PIGA: variants seen among roughly 807,000 people sequenced by gnomAD.
PIGA encodes phosphatidylinositol N-acetylglucosaminyltransferase subunit A.
In PIGA, 3 loss-of-function variants were observed where a neutral mutation model predicts 17.1. The ratio of observed to expected loss-of-function variants is 0.18; its 90% CI spans 0.08 to 0.45. PIGA has a LOEUF of 0.45. PIGA is among the 20% of genes least tolerant of loss of function. The pLI is 0.99. For missense variants in PIGA, 231 were observed against 374.1 expected (o/e 0.62, Z 3.16); for synonymous variants, 126 against 135.1 (o/e 0.93, Z 0.47).
chrX:15,335,536 C>A, upstream of PIGA: 1 of 966,977 alleles, frequency 1.0e-6, no homozygotes. Flanking sequence ...CCGGACCTCC[C>A]GCGGCTGCAG....
At chrX:15,325,194 A>T in intron 3 of PIGA, 42 bp from the exon 4 acceptor site, 1 of 1,114,040 alleles carries the variant, frequency 9.0e-7, no homozygotes, top group Middle Eastern at 2.5e-4. Flanking sequence ...GTGAAAACTC[A>T]TGCTACAAAA....
At position 15,331,651 on chromosome X, in the gene PIGA, G is replaced by C. The variant is rs758769627; in HGVS notation, c.280C>G (p.Leu94Val). 8.3e-7 allele frequency: 1 copy of C among 1,211,440 alleles called. No homozygotes were observed. The highest frequency in any genetic ancestry group is 1.8e-5 in the South Asian group (1 of 57,005). Residue 94 changes from leucine to valine, a missense_variant, in exon 2 of 6, where the codon CTG becomes GTG. This residue lies in a region of PIGA where 29 missense variants were observed against 36.6 expected (regional missense o/e 0.79). Coordinates refer to ENST00000333590, the MANE Select transcript of PIGA (RefSeq NM_002641.4). ...TSGLKVYYLPLKVMYNQSTAT... is the reference protein window; with the variant it reads ...TSGLKVYYLPVKVMYNQSTAT... ...GTAGACTGGTTGTACATGACTTTCA[G>C]AGGCAAGTAATAGACTTTGAGGCCA...
At chrX:15,329,512 C>G (rs1184866472) in intron 2 of PIGA, among the ~76,000 whole-genome samples, 1 of 111,616 alleles carries the variant, frequency 9.0e-6, no homozygotes, top group Non-Finnish European at 1.9e-5. Flanking sequence ...AAACCAGTGG[C>G]CCAGCACTCA....
chrX:15,322,971 T>C (rs1008018727), intron 5 of PIGA, among the ~76,000 whole-genome samples: 4 of 112,187 alleles, frequency 3.6e-5, no homozygotes, highest in Non-Finnish European at 5.6e-5. Flanking sequence ...AATCTACTTA[T>C]AGTTTTAAGT....
At chrX:15,323,814 G>A (rs549139022) in intron 5 of PIGA, among the ~76,000 whole-genome samples, 7 of 111,622 alleles carry the variant, frequency 6.3e-5, no homozygotes, top group African/African-American at 2.3e-4. Context: ...TGAATATCAC[G>A]TTGGTAGCAT....
chrX:15,325,979 A>G lies in PIGA; in HGVS notation c.783T>C (p.Ile261=). The change falls in exon 3 of 6, where the codon ATT becomes ATC. Residue 261 remains isoleucine, a synonymous_variant. Transcript: ENST00000333590. The stretch of plus-strand genomic sequence containing the variant: ...TGATTCTCTTTGGTCCCTCTCCTCC[A>G]ATTATGAAATTTAAATCTGGATATT... The part of the protein sequence containing the change: ...CQKYPDLNFI[I]GGEGPKRIIL... 3 of 1,183,610 alleles carry G rather than the reference A, an allele frequency of 2.5e-6. No homozygotes were observed. The highest frequency in any genetic ancestry group is 3.4e-6 in the Non-Finnish European group (3 of 871,816).
chrX:15,326,946 G>C (rs921437112), intron 2 of PIGA: 1 of 111,848 alleles, frequency 8.9e-6, no homozygotes, highest in South Asian at 3.7e-4. Context: ...ATTACAAAAC[G>C]TACATATTCA....
Position 15,321,325 on chromosome X carries a change from T to C in PIGA, c.*181A>G. On this transcript the variant is annotated 3_prime_UTR_variant, in exon 6 of 6. Transcript: ENST00000333590. ...ATTTTAAATAAGTGCAAGAAGTTTC[T>C]ACACTCAGGAATTGCATACATTTTT... is the stretch of plus-strand genomic sequence containing the variant. 1 of 416,737 alleles carries C rather than the reference T, an allele frequency of 2.4e-6. No individual in the cohort carries two copies. The highest frequency in any genetic ancestry group is 4.1e-6 in the Non-Finnish European group (1 of 241,629). 34.3% of individuals were successfully genotyped at this position (416,737 alleles called of 1,213,427 possible). A position where few individuals can be genotyped will look rare whatever the true frequency, so the allele number is the denominator to read the frequency against.
chrX:15,325,869 T>C, intron 3 of PIGA, 45 bp downstream of exon 3: 2 of 1,113,735 alleles, frequency 1.8e-6, no homozygotes, highest in South Asian at 4.3e-5. Context: ...CAAATAGAGA[T>C]AATTGACATC....
chrX:15,329,146 T>C (rs1195072278), intron 2 of PIGA, among the ~76,000 whole-genome samples: 2 of 112,498 alleles, frequency 1.8e-5, no homozygotes, highest in East Asian at 5.6e-4. Flanking sequence ...CCTAGCACAC[T>C]GGCACACCAC....
intron 2 of PIGA, among the ~76,000 whole-genome samples, chrX:15,330,187 A>G (rs1290870047): frequency 8.9e-6 from 1 of 112,033 alleles, no homozygotes; most frequent in Non-Finnish European, 1.9e-5. Context: ...GAGGTTCCCA[A>G]TGTTGCTTAC....
chrX:15,320,492 G>A lies in PIGA; in HGVS notation c.*1014C>T, dbSNP rs937414535. The A allele has an allele frequency of 8.9e-6, 1 of 112,177 alleles. No homozygotes were observed. The highest frequency in any genetic ancestry group is 1.9e-5 in the Non-Finnish European group (1 of 53,263). 9.2% of individuals were successfully genotyped at this position (112,177 alleles called of 1,213,427 possible). On this transcript the variant is annotated 3_prime_UTR_variant, in exon 6 of 6. Transcript: ENST00000333590. ...CTGACAATACTTATCAGACATCAGC[G>A]AGGCCACAGTGAAGGGGAGTGACTT... is the stretch of plus-strand genomic sequence containing the variant.
rs764210969 is a variant in PIGA at position 15,331,757 on chromosome X, C to T, written c.174G>A (p.Gln58=). The part of the protein sequence containing the change: ...GVESHIYQLS[Q]CLIERGHKVI... Reference sequence around the variant, plus strand: ...CCTTATGCCCTCTTTCAATCAGGCACTGAGAGAGCTGGTAAATGTGGCTTT... The same window carrying T: ...CCTTATGCCCTCTTTCAATCAGGCATTGAGAGAGCTGGTAAATGTGGCTTT... The change falls in exon 2 of 6, where the codon CAG becomes CAA. Residue 58 remains glutamine, a synonymous_variant. Coordinates refer to ENST00000333590, the MANE Select transcript of PIGA (RefSeq NM_002641.4). 8.3e-7 allele frequency: 1 copy of T among 1,212,011 alleles called. No homozygotes were observed. The highest frequency in any genetic ancestry group is 1.1e-6 in the Non-Finnish European group (1 of 895,494).
intron 2 of PIGA, among the ~76,000 whole-genome samples, chrX:15,329,450 A>C (rs763427382): frequency 8.9e-6 from 1 of 111,789 alleles, no homozygotes; most frequent in African/African-American, 3.3e-5. Flanking sequence ...AGAAACTCAA[A>C]GTAGCAATGG....
At chrX:15,326,106 G>T in intron 2 of PIGA, 60 bp from the exon 3 acceptor site, 1 of 758,824 alleles carries the variant, frequency 1.3e-6, no homozygotes, top group Non-Finnish European at 1.9e-6. Flanking sequence ...AAATTCACCA[G>T]AACGACTGAG....
intron 5 of PIGA, among the ~76,000 whole-genome samples, chrX:15,323,115 C>T (rs1353714632): frequency 8.9e-6 from 1 of 111,896 alleles, no homozygotes; most frequent in Non-Finnish European, 1.9e-5. Flanking sequence ...TGTACTATTA[C>T]TTTAACCAAA....
At chrX:15,334,185 CTTT>C (rs35688150) in intron 1 of PIGA, among the ~76,000 whole-genome samples, 291 of 62,900 alleles carry the variant, frequency 4.6e-3, no homozygotes, top group African/African-American at 0.018. Flanking sequence ...AATTCATCTA[CTTT>C]TTTTTTTTTT....
chrX:15,326,807 TAATA>T (rs1921984423), intron 2 of PIGA: 1 of 112,127 alleles, frequency 8.9e-6, no homozygotes, highest in African/African-American at 3.2e-5. Flanking sequence ...GATTTTCTTA[TAATA>T]TATAAACACA....
chrX:15,334,185 C>CTTTT (rs35688150), intron 1 of PIGA, among the ~76,000 whole-genome samples: 34 of 62,905 alleles, frequency 5.4e-4, no homozygotes, highest in African/African-American at 9.9e-4. Flanking sequence ...AATTCATCTA[C>CTTTT]TTTTTTTTTT....
Sources: gnomAD v4.1 joint callset for allele counts (sites outside exome capture counted in the v4.1 genomes callset) on GRCh38, gnomAD v4.1.1 for gene constraint, gnomAD v4.1.1 regional missense constraint, MANE v1.5 for transcripts, NCBI Gene and HGNC (gene_info 2026-07-23, HGNC 2026-07-21) for gene names.